The following GNG12 variants were observed in gnomAD, a reference collection of about 807,000 sequenced individuals.
The protein encoded by GNG12 is guanine nucleotide-binding protein G(I)/G(S)/G(O) subunit gamma-12.
For missense variants in GNG12, 69 were observed against 83.8 expected (o/e 0.82, Z 0.69); for synonymous variants, 28 against 29.7 (o/e 0.94, Z 0.19).
chr1:67,752,542 G>GGTAGACATC (rs1646544826), intron 2 of GNG12, among the ~76,000 whole-genome samples: 1 of 152,126 alleles, frequency 6.6e-6, no homozygotes, highest in African/African-American at 2.4e-5. Flanking sequence ...TTGCACTCAC[G>GGTAGACATC]GTAGACATCC....
At chr1:67,724,920 CATATT>C (rs1208675350) in intron 2 of GNG12, among the ~76,000 whole-genome samples, 1 of 152,088 alleles carries the variant, frequency 6.6e-6, no homozygotes, top group Admixed American at 6.5e-5. Flanking sequence ...CATGTCATAA[CATATT>C]ATATGATAAT....
chr1:67,789,022 C>T (rs548011074), intron 1 of GNG12, among the ~76,000 whole-genome samples: 91 of 152,216 alleles, frequency 6.0e-4, no homozygotes, highest in South Asian at 1.5e-3. Flanking sequence ...ACTAAAGCAG[C>T]GGGAGCTCAG....
chr1:67,798,892 T>G (rs1248323801), intron 1 of GNG12, among the ~76,000 whole-genome samples: 1 of 151,896 alleles, frequency 6.6e-6, no homozygotes, highest in Admixed American at 6.6e-5. Context: ...AGGTGGAGGT[T>G]GCAGTGAGCC....
chr1:67,812,622 C>A (rs572314364), intron 1 of GNG12, among the ~76,000 whole-genome samples: 3 of 152,062 alleles, frequency 2.0e-5, no homozygotes, highest in Admixed American at 6.5e-5. Flanking sequence ...AGGAGCCATT[C>A]GAAAAGAAGG....
chr1:67,818,488 A>G (rs547397552), intron 1 of GNG12, among the ~76,000 whole-genome samples: 1 of 150,990 alleles, frequency 6.6e-6, no homozygotes, highest in Non-Finnish European at 1.5e-5. Context: ...ATTCAGCGAA[A>G]AGGAACTGCC....
Position 67,746,732 on chromosome 1 carries a change from C to A in GNG12, c.-27+30726G>T, listed in dbSNP as rs181351402. Among the ~76,000 whole-genome samples the A allele has an allele frequency of 4.6e-5, 7 of 152,246 alleles. No homozygotes were observed. The East Asian group carries it at 1.3e-3, about 29-fold the overall frequency. On this transcript the variant is annotated intron_variant, in intron 2 of 3. Coordinates refer to ENST00000370982, the MANE Select transcript of GNG12 (RefSeq NM_018841.6). ...TGTGCAAAAAATTACGCTTAAGACCCAGAGAGTATTAGTAAGTAATTCAAG... is the reference window on the plus strand; with the variant it reads ...TGTGCAAAAAATTACGCTTAAGACCAAGAGAGTATTAGTAAGTAATTCAAG...
chr1:67,760,178 C>T (rs748261876), intron 2 of GNG12, among the ~76,000 whole-genome samples: 5 of 152,144 alleles, frequency 3.3e-5, no homozygotes, highest in Non-Finnish European at 4.4e-5. Context: ...GGCCCTGTGA[C>T]GTTCCAGTGA....
chr1:67,833,294 G>T, intron 1 of GNG12, 50 bp downstream of exon 1: 1 of 747,610 alleles, frequency 1.3e-6, no homozygotes, highest in Non-Finnish European at 1.6e-6. Flanking sequence ...GCCGCGCCCC[G>T]ACCCCGCGGG....
chr1:67,733,003 G>A (rs929081418), intron 2 of GNG12, among the ~76,000 whole-genome samples: 1 of 152,216 alleles, frequency 6.6e-6, no homozygotes, highest in East Asian at 1.9e-4. Context: ...CCGAGGGAGG[G>A]CGTGGGAAAG....
In GNG12 at chr1:67,707,658, T is replaced by A; in HGVS notation, c.29A>T (p.Asn10Ile). MSSKTASTN[N>I]IAQARRTVQQ... ...CACAGTTCTCCTTGCCTGGGCTATATTGTTGGTGCTTGCTGTTTTGCTGGA... is the reference window on the plus strand; with the variant it reads ...CACAGTTCTCCTTGCCTGGGCTATAATGTTGGTGCTTGCTGTTTTGCTGGA... The change falls in exon 3 of 4, where the codon AAT becomes ATT. Residue 10 changes from asparagine to isoleucine, a missense_variant. Asn to Ile is a moderately radical substitution (Grantham distance 149). Transcript: ENST00000370982. 1 of 1,607,044 alleles carries A rather than the reference T, an allele frequency of 6.2e-7. No individual in the cohort carries two copies. The highest frequency in any genetic ancestry group is 8.5e-7 in the Non-Finnish European group (1 of 1,177,668).
chr1:67,754,223 C>T (rs942856237), intron 2 of GNG12, among the ~76,000 whole-genome samples: 5 of 152,116 alleles, frequency 3.3e-5, no homozygotes, highest in African/African-American at 7.2e-5. Flanking sequence ...CTATGACTGC[C>T]GGTCACCTCT....
At chr1:67,763,604 A>G (rs1170942962) in intron 2 of GNG12, among the ~76,000 whole-genome samples, 1 of 151,736 alleles carries the variant, frequency 6.6e-6, no homozygotes, top group Non-Finnish European at 1.5e-5. Context: ...GCAATCACAT[A>G]GCTCTACAGC....
intron 2 of GNG12, among the ~76,000 whole-genome samples, chr1:67,734,358 C>A (rs575525131): frequency 1.3e-5 from 2 of 152,246 alleles, no homozygotes; most frequent in Admixed American, 6.5e-5. Context: ...TGATCTGACC[C>A]CACAGTGGTA....
intron 2 of GNG12, among the ~76,000 whole-genome samples, chr1:67,761,036 A>G (rs1418802632): frequency 1.3e-5 from 2 of 152,178 alleles, no homozygotes; most frequent in Non-Finnish European, 2.9e-5. Flanking sequence ...TTCTAGGTCT[A>G]AGTTTCTGAA....
chr1:67,756,296 A>T (rs914360622), intron 2 of GNG12, among the ~76,000 whole-genome samples: 4 of 152,230 alleles, frequency 2.6e-5, no homozygotes, highest in Non-Finnish European at 5.9e-5. Context: ...GAAGAGTAGC[A>T]TGATCAGGTC....
intron 1 of GNG12, among the ~76,000 whole-genome samples, chr1:67,779,388 G>A (rs1646724500): frequency 6.6e-6 from 1 of 152,144 alleles, no homozygotes; most frequent in African/African-American, 2.4e-5. Flanking sequence ...CCCTGAACCT[G>A]CTGAAAATCC....
intron 2 of GNG12, among the ~76,000 whole-genome samples, chr1:67,712,187 G>T (rs1008593196): frequency 2.0e-5 from 3 of 152,208 alleles, no homozygotes; most frequent in African/African-American, 7.2e-5. Context: ...TCAGTGGTGA[G>T]GATGTCTGGC....
chr1:67,767,401 C>T (rs1328629838), intron 2 of GNG12, among the ~76,000 whole-genome samples: 1 of 152,200 alleles, frequency 6.6e-6, no homozygotes, highest in Non-Finnish European at 1.5e-5. Context: ...AACACTTGCG[C>T]TGCCCTGTGA....
At chr1:67,811,516 T>G (rs1173675208) in intron 1 of GNG12, among the ~76,000 whole-genome samples, 1 of 152,226 alleles carries the variant, frequency 6.6e-6, no homozygotes, top group Non-Finnish European at 1.5e-5. Flanking sequence ...CACTCTGCAC[T>G]GGGTCACCCT....
Sources: gnomAD v4.1 joint callset for allele counts (sites outside exome capture counted in the v4.1 genomes callset) on GRCh38, gnomAD v4.1.1 for gene constraint, MANE v1.5 for transcripts, NCBI Gene and HGNC (gene_info 2026-07-23, HGNC 2026-07-21) for gene names.